Variants in PRDM5 observed in about 807,000 individuals in gnomAD.
PRDM5 encodes PR domain zinc finger protein 5.
In PRDM5, 56 loss-of-function variants were observed where a neutral mutation model predicts 81.2. That is an observed-to-expected ratio of 0.69 (90% CI 0.56 to 0.86). The LOEUF (loss-of-function observed/expected upper bound fraction) is 0.86. PRDM5 is among the 40% of genes least tolerant of loss of function. PRDM5 has a pLI of 0.00. For missense variants in PRDM5, 697 were observed against 770.1 expected, an observed-to-expected ratio of 0.91 and a Z score of 1.12; for synonymous variants, 267 against 256.4, an observed-to-expected ratio of 1.04 and a Z score of -0.39.
At chr4:120,910,163 A>G (rs1383098027) in intron 1 of PRDM5, among the ~76,000 whole-genome samples, 1 of 152,196 alleles carries the variant, frequency 6.6e-6, no homozygotes, top group Non-Finnish European at 1.5e-5. Flanking sequence ...CATTAAAAAC[A>G]CTGATAGGGG....
intron 13 of PRDM5, among the ~76,000 whole-genome samples, chr4:120,775,488 G>T (rs181683577): frequency 1.3e-5 from 2 of 152,210 alleles, no homozygotes; most frequent in African/African-American, 4.8e-5. Context: ...CTACTGGATT[G>T]GGTTCATCTT....
At chr4:120,722,704 C>T (rs530070702) in intron 14 of PRDM5, among the ~76,000 whole-genome samples, 1 of 152,282 alleles carries the variant, frequency 6.6e-6, no homozygotes, top group Admixed American at 6.5e-5. Context: ...AGCAATTCCA[C>T]TTCCCGTGCA....
At chr4:120,774,352 C>T (rs1382304797) in intron 13 of PRDM5, among the ~76,000 whole-genome samples, 1 of 152,218 alleles carries the variant, frequency 6.6e-6, no homozygotes, top group African/African-American at 2.4e-5. Context: ...ATTGCTACAC[C>T]TAGCACTGAA....
intron 7 of PRDM5, chr4:120,816,126 AAG>A (rs1240522195): frequency 7.9e-5 from 25 of 317,216 alleles, no homozygotes; most frequent in Non-Finnish European, 1.2e-5. Context: ...CAATTTATAA[AAG>A]AAATGTCACA....
At chr4:120,711,511 T>C (rs892963498) in intron 14 of PRDM5, among the ~76,000 whole-genome samples, 1 of 151,422 alleles carries the variant, frequency 6.6e-6, no homozygotes, top group African/African-American at 2.4e-5. Context: ...GGTTTCACCA[T>C]GTTGACCAGG....
intron 3 of PRDM5, among the ~76,000 whole-genome samples, chr4:120,842,957 G>A (rs2149396219): frequency 6.6e-6 from 1 of 152,176 alleles, no homozygotes; most frequent in East Asian, 1.9e-4. Context: ...TAATTTCTAG[G>A]GACACAACTT....
intron 12 of PRDM5, among the ~76,000 whole-genome samples, chr4:120,778,168 A>AT (rs1561196047): frequency 1.3e-5 from 2 of 152,050 alleles, no homozygotes; most frequent in Admixed American, 6.6e-5. Context: ...TACTTTTAGA[A>AT]TTTTTTTTCA....
rs577192825 is a variant in PRDM5, at chr4:120,870,154, G to A, written c.178-16614C>T. ...AGACAGAGGAAGGGAGGGAGAGGCAGGAAAGAGGAGGAAAGTGGAGGCCTG... is the reference window on the plus strand; with the variant it reads ...AGACAGAGGAAGGGAGGGAGAGGCAAGAAAGAGGAGGAAAGTGGAGGCCTG... On this transcript the variant is annotated intron_variant, in intron 2 of 15. Transcript: ENST00000264808. 6.6e-5 allele frequency among the ~76,000 whole-genome samples: 10 copies of A among 152,068 alleles called. No individual in the cohort carries two copies. The South Asian group carries it at 2.1e-3, about 32-fold the overall frequency.
chr4:120,855,868 G>A (rs1759820787), intron 2 of PRDM5, among the ~76,000 whole-genome samples: 1 of 152,204 alleles, frequency 6.6e-6, no homozygotes, highest in Non-Finnish European at 1.5e-5. Context: ...CAGTTTGAGA[G>A]GACAGCACTA....
intron 14 of PRDM5, among the ~76,000 whole-genome samples, chr4:120,718,135 T>C (rs1396473176): frequency 6.6e-6 from 1 of 152,228 alleles, no homozygotes; most frequent in Non-Finnish European, 1.5e-5. Flanking sequence ...CTTCTGTGAA[T>C]GCACTAGGGA....
intron 13 of PRDM5, among the ~76,000 whole-genome samples, chr4:120,772,633 T>C (rs994660470): frequency 2.0e-5 from 3 of 152,200 alleles, no homozygotes; most frequent in Admixed American, 1.3e-4. Flanking sequence ...TTAAACAGAA[T>C]GGCCTCTGTC....
downstream of PRDM5, among the ~76,000 whole-genome samples, chr4:120,690,917 C>T (rs1176444905): frequency 3.9e-5 from 6 of 152,000 alleles, no homozygotes; most frequent in Non-Finnish European, 5.9e-5. Context: ...GATTAGTTTC[C>T]TCCTACCATG....
intron 13 of PRDM5, among the ~76,000 whole-genome samples, chr4:120,767,632 G>GA (rs556438088): frequency 2.1e-3 from 320 of 152,240 alleles, no homozygotes; most frequent in Non-Finnish European, 3.5e-3. Context: ...TAAAAAAAGG[G>GA]AAATTTAGTA....
In PRDM5 at chr4:120,718,603, T is replaced by C. The variant is rs537996172; in HGVS notation, c.1624-8190A>G. ...GAACATTTTAATGCCTTTAATTGTA[T>C]ATCATTGATTTTAGAGAAGTTTGCC... is the stretch of plus-strand genomic sequence containing the variant. On this transcript the variant is annotated intron_variant, in intron 14 of 15. Coordinates refer to ENST00000264808, the MANE Select transcript of PRDM5 (RefSeq NM_018699.4). 3.3e-5 allele frequency among the ~76,000 whole-genome samples: 5 copies of C among 152,332 alleles called. No individual in the cohort carries two copies. The East Asian group carries it at 9.6e-4, about 29-fold the overall frequency.
chr4:120,687,494 TA>T (rs1292306847), downstream of PRDM5, among the ~76,000 whole-genome samples: 1 of 152,166 alleles, frequency 6.6e-6, no homozygotes, highest in Non-Finnish European at 1.5e-5. Flanking sequence ...TATTCCATTG[TA>T]GGTGTACATG....
intron 2 of PRDM5, among the ~76,000 whole-genome samples, chr4:120,856,554 G>A (rs890076656): frequency 6.3e-4 from 95 of 151,928 alleles, no homozygotes; most frequent in African/African-American, 2.1e-3. Context: ...CTGTGCACAC[G>A]ACTTTTATCT....
At chr4:120,684,530 A>T (rs28445543), downstream of PRDM5, among the ~76,000 whole-genome samples, 33,158 of 151,766 alleles carry the variant, frequency 0.22, 4,624 homozygotes, top group East Asian at 0.61. Flanking sequence ...GCCAAAAGAC[A>T]CTCAGATCTT....
At chr4:120,839,214 C>T (rs1314422177) in intron 3 of PRDM5, 3 of 702,612 alleles carry the variant, frequency 4.3e-6, no homozygotes, top group South Asian at 3.0e-5. Context: ...GAGCAGGTCT[C>T]AGTCTTGTCT....
intron 15 of PRDM5, among the ~76,000 whole-genome samples, chr4:120,700,181 A>G (rs2148997137): frequency 6.6e-6 from 1 of 152,248 alleles, no homozygotes; most frequent in East Asian, 1.9e-4. Flanking sequence ...GGTTGACAAA[A>G]ATAAGCAACA....
Sources: allele counts gnomAD v4.1 joint callset (sites outside exome capture counted in the v4.1 genomes callset), GRCh38; gene constraint gnomAD v4.1.1; transcripts MANE v1.5; gene names NCBI Gene and HGNC (gene_info 2026-07-23, HGNC 2026-07-21).